Variants in DENND2C observed in about 807,000 individuals in gnomAD.
DENND2C encodes the protein DENN domain containing 2C.
Under a neutral mutation model 112.4 loss-of-function variants are expected in DENND2C, and 72 were observed. That is an observed-to-expected ratio of 0.64 (90% CI 0.53 to 0.78). The LOEUF (loss-of-function observed/expected upper bound fraction) is 0.78, where lower values mean the gene tolerates loss of function less well. DENND2C is among the 30% of genes least tolerant of loss of function. The pLI is 0.00. For missense variants in DENND2C, 992 were observed against 1,113.8 expected, an observed-to-expected ratio of 0.89 and a Z score of 1.56; for synonymous variants, 329 against 381.6, an observed-to-expected ratio of 0.86 and a Z score of 1.61.
chr1:114,594,584 GA>G lies in DENND2C; in HGVS notation c.2326-7del, dbSNP rs1655289516. 3.1e-6 allele frequency: 5 copies of G among 1,600,278 alleles called. No individual in the cohort carries two copies. Among genetic ancestry groups the G allele is most frequent in the Admixed American group, 1.7e-5 (1 of 57,950 alleles). On this transcript the variant is annotated splice_region_variant and splice_polypyrimidine_tract_variant and intron_variant, in intron 17 of 20. Transcript: ENST00000393274. ...ATTTCATCCTCATCAGATACCTTAA[GA>G]AGAAAAAAAAATGGAGATTTTTCTT...
intron 3 of DENND2C, among the ~76,000 whole-genome samples, chr1:114,636,658 C>A (rs556594237): frequency 7.5e-4 from 114 of 152,054 alleles, no homozygotes; most frequent in Non-Finnish European, 1.4e-3. Flanking sequence ...CAGAGTGAAA[C>A]CCTGTCTCAA....
intron 7 of DENND2C, among the ~76,000 whole-genome samples, chr1:114,620,594 G>A (rs1656137809): frequency 6.6e-6 from 1 of 152,118 alleles, no homozygotes; most frequent in Admixed American, 6.6e-5. Flanking sequence ...TTGTTGCTGG[G>A]CCATGTGGGA....
intron 2 of DENND2C, among the ~76,000 whole-genome samples, chr1:114,653,377 G>A (rs933041077): frequency 2.0e-5 from 3 of 152,126 alleles, no homozygotes; most frequent in Non-Finnish European, 4.4e-5. Flanking sequence ...CCCAAGTGCT[G>A]GGATTACAGG....
At chr1:114,645,773 A>C (rs901454992) in intron 2 of DENND2C, among the ~76,000 whole-genome samples, 1 of 152,198 alleles carries the variant, frequency 6.6e-6, no homozygotes, top group South Asian at 2.1e-4. Flanking sequence ...AACATTTAAA[A>C]ATTTTTAACA....
intron 10 of DENND2C, among the ~76,000 whole-genome samples, chr1:114,607,810 G>A (rs1655698846): frequency 3.9e-5 from 6 of 152,066 alleles, no homozygotes; most frequent in Admixed American, 3.3e-4. Context: ...TGCCAGGGAT[G>A]GCATTAGCAC....
At chr1:114,636,578 G>T (rs919812454) in intron 3 of DENND2C, among the ~76,000 whole-genome samples, 1 of 152,036 alleles carries the variant, frequency 6.6e-6, no homozygotes, top group Non-Finnish European at 1.5e-5. Flanking sequence ...GGTGGGAATG[G>T]GGGGAGGACT....
At chr1:114,668,520 A>AACACACACACACACAC (rs71580644) in intron 1 of DENND2C, among the ~76,000 whole-genome samples, 5 of 146,850 alleles carry the variant, frequency 3.4e-5, no homozygotes, top group Non-Finnish European at 7.5e-5. Flanking sequence ...TGCCACATTC[A>AACACACACACACACAC]ACACACACAC....
At chr1:114,654,982 T>G (rs1657269390) in intron 1 of DENND2C, among the ~76,000 whole-genome samples, 1 of 152,188 alleles carries the variant, frequency 6.6e-6, no homozygotes, top group Admixed American at 6.6e-5. Context: ...TATAACACTT[T>G]TGCTATGGCT....
chr1:114,646,888 G>A (rs1456135726), intron 2 of DENND2C, among the ~76,000 whole-genome samples: 3 of 152,026 alleles, frequency 2.0e-5, no homozygotes, highest in Non-Finnish European at 4.4e-5. Flanking sequence ...GGGCAGGCAC[G>A]GTAGCTCATG....
In DENND2C at chr1:114,667,121, G is replaced by A. The variant is rs75864972; in HGVS notation, c.-574+2862C>T. 1.2e-4 allele frequency among the ~76,000 whole-genome samples: 19 copies of A among 152,164 alleles called. No homozygotes were observed. The East Asian group carries it at 3.7e-3, about 29-fold the overall frequency. On this transcript the variant is annotated intron_variant, in intron 1 of 20. Transcript: ENST00000393274. The stretch of plus-strand genomic sequence containing the variant: ...TCCCTGGTTTTCATTCATATCTCCT[G>A]TTTCCTGACCCAATTTCAGCAAACT...
chr1:114,614,478 C>T (rs1276034341), intron 8 of DENND2C, among the ~76,000 whole-genome samples: 1 of 152,042 alleles, frequency 6.6e-6, no homozygotes, highest in African/African-American at 2.4e-5. Context: ...AAGGTAAATG[C>T]TTATTTTATT....
chr1:114,593,795 C>A (rs1275259338), intron 18 of DENND2C, among the ~76,000 whole-genome samples: 1 of 151,926 alleles, frequency 6.6e-6, no homozygotes, highest in Non-Finnish European at 1.5e-5. Context: ...AAACCCAAAA[C>A]AAACAAACAA....
Position 114,587,958 on chromosome 1 carries a change from G to A in DENND2C, c.2432-6C>T. 1.2e-6 allele frequency: 2 copies of A among 1,609,140 alleles called. No individual in the cohort carries two copies. The highest frequency in any genetic ancestry group is 1.7e-6 in the Non-Finnish European group (2 of 1,177,988). Reference sequence around the variant, plus strand: ...CAGAGAGTTGAGTGTCACATCTGCTGCAACATGAAAAAGAAAAAAAGAAAA... The same window carrying A: ...CAGAGAGTTGAGTGTCACATCTGCTACAACATGAAAAAGAAAAAAAGAAAA... On this transcript the variant is annotated splice_polypyrimidine_tract_variant and splice_region_variant and intron_variant, in intron 18 of 20. Transcript: ENST00000393274.
chr1:114,633,892 A>G (rs1462473876), intron 3 of DENND2C, among the ~76,000 whole-genome samples: 2 of 152,208 alleles, frequency 1.3e-5, no homozygotes, highest in Non-Finnish European at 2.9e-5. Flanking sequence ...TGCTGTTCAT[A>G]AAAAAATGCA....
At position 114,668,159 on chromosome 1, in the gene DENND2C, C is replaced by T. The variant is rs1053628055; in HGVS notation, c.-574+1824G>A. 1.1e-4 allele frequency among the ~76,000 whole-genome samples: 17 copies of T among 152,218 alleles called. 1 individual carries two copies. The East Asian group carries it at 3.1e-3, about 28-fold the overall frequency. ...AAAAAACAATGTGAATGTAAGGTTT[C>T]AGACCTCCAAGATCAAGAAATTGTA... is the stretch of plus-strand genomic sequence containing the variant. On this transcript the variant is annotated intron_variant, in intron 1 of 20. Transcript: ENST00000393274.
Position 114,625,989 on chromosome 1 carries a change from C to T in DENND2C, c.-5G>A. The stretch of plus-strand genomic sequence containing the variant: ...ACGAGAAAAACCAACATCCATGTTC[C>T]CAACTGGGTGAATGACAAGTGATGA... On this transcript the variant is annotated 5_prime_UTR_variant, in exon 4 of 21. Coordinates refer to ENST00000393274, the MANE Select transcript of DENND2C (RefSeq NM_001256404.2). 6.3e-7 allele frequency: 1 copy of T among 1,598,522 alleles called. No individual in the cohort carries two copies. Among genetic ancestry groups the T allele is most frequent in the Non-Finnish European group, 8.5e-7 (1 of 1,172,266 alleles).
rs560018064 is a variant in DENND2C at position 114,585,596 on chromosome 1, G to A, written c.*4C>T. On this transcript the variant is annotated 3_prime_UTR_variant, in exon 21 of 21. Coordinates refer to ENST00000393274, the MANE Select transcript of DENND2C (RefSeq NM_001256404.2). ...TATATTCAGGATGGAGACAATCAGA[G>A]ATTTCATTTCTTTTGCAGAAATTTC... is the stretch of plus-strand genomic sequence containing the variant. 1.2e-6 allele frequency: 2 copies of A among 1,613,828 alleles called. No homozygotes were observed. Among genetic ancestry groups the A allele is most frequent in the East Asian group, 2.2e-5 (1 of 44,854 alleles).
At chr1:114,665,500 T>C (rs966789815) in intron 1 of DENND2C, among the ~76,000 whole-genome samples, 4 of 152,194 alleles carry the variant, frequency 2.6e-5, no homozygotes, top group Admixed American at 6.5e-5. Context: ...GCCAAAGCAG[T>C]ATGTGCTCAG....
chr1:114,585,486 A>G lies in DENND2C; in HGVS notation c.*114T>C, dbSNP rs149880335. 87 of 1,162,844 alleles carry G rather than the reference A, an allele frequency of 7.5e-5. 1 individual carries two copies. In the African/African-American group the frequency reaches 1.1e-3, roughly 15 times the overall value. 72.0% of individuals were successfully genotyped at this position (1,162,844 alleles called of 1,614,324 possible). On this transcript the variant is annotated 3_prime_UTR_variant, in exon 21 of 21. Transcript: ENST00000393274. ...CCTCTAACAGCCTGACTCGCTCTTT[A>G]ACCTTTTAAAATTTCAAGAATTTTG...
Sources: gnomAD v4.1 joint callset for allele counts (sites outside exome capture counted in the v4.1 genomes callset) on GRCh38, gnomAD v4.1.1 for gene constraint, MANE v1.5 for transcripts, NCBI Gene and HGNC (gene_info 2026-07-23, HGNC 2026-07-21) for gene names.